The following PRKN variants were observed in gnomAD, a reference collection of about 807,000 sequenced individuals.
PRKN encodes parkin RBR E3 ubiquitin protein ligase.
PRKN carries 56 observed loss-of-function variants against 59.5 expected under a neutral mutation model. That is an observed-to-expected ratio of 0.94 (90% CI 0.76 to 1.18). The LOEUF is 1.18. Ranked by LOEUF, PRKN falls within the 50% of genes most tolerant of loss-of-function variation. The pLI, the probability that PRKN is intolerant of heterozygous loss-of-function variation, is 0.00. For synonymous variants in PRKN, 250 were observed against 222.1 expected (o/e 1.13, Z -1.12); for missense variants, 657 against 596.4 (o/e 1.10, Z -1.06).
chr6:161,788,866 A>G (rs3019433), intron 6 of PRKN, among the ~76,000 whole-genome samples: 124,381 of 152,152 alleles, frequency 0.82, 52,866 homozygotes, highest in East Asian at 0.95. Flanking sequence ...ATACATACAC[A>G]GTCAACTTGG....
chr6:161,392,495 T>G (rs1222989202), intron 9 of PRKN, among the ~76,000 whole-genome samples: 1 of 150,702 alleles, frequency 6.6e-6, no homozygotes, highest in Non-Finnish European at 1.5e-5. Flanking sequence ...TGCAAAATTA[T>G]AGTTCAAACC....
intron 1 of PRKN, among the ~76,000 whole-genome samples, chr6:162,567,170 A>C (rs62430881): frequency 0.31 from 46,671 of 152,046 alleles, 7,617 homozygotes; most frequent in East Asian, 0.49. Flanking sequence ...ATCATACTAC[A>C]TGGGGAAAAA....
chr6:162,478,000 G>GCAGGGTCCTAGAGCA (rs952817395), intron 1 of PRKN, among the ~76,000 whole-genome samples: 2 of 152,066 alleles, frequency 1.3e-5, no homozygotes, highest in Non-Finnish European at 2.9e-5. Context: ...GTCCTAAAGC[G>GCAGGGTCCTAGAGCA]CAGGGTCCTA....
rs563866692 is a variant in PRKN, at chr6:161,448,674, T to A, written c.1084-61797A>T. ...CTACACATTACGTGCAAGGCTTTTA[T>A]CTGCTTCCTCCTAATTTGTGGGGGC... is the stretch of plus-strand genomic sequence containing the variant. On this transcript the variant is annotated intron_variant, in intron 9 of 11. Coordinates refer to ENST00000366898, the MANE Select transcript of PRKN (RefSeq NM_004562.3). The surrounding 1 kb of genome is among the most constrained non-coding windows in gnomAD (Gnocchi z 5.1). Among the ~76,000 whole-genome samples, 1 of 152,364 alleles carries A rather than the reference T, an allele frequency of 6.6e-6. No homozygotes were observed. Among genetic ancestry groups the A allele is most frequent in the East Asian group, 1.9e-4 (1 of 5,184 alleles).
Position 161,803,822 on chromosome 6 carries a change from C to T in PRKN, c.735-17914G>A, listed in dbSNP as rs944055128. On this transcript the variant is annotated intron_variant, in intron 6 of 11. Coordinates refer to ENST00000366898, the MANE Select transcript of PRKN (RefSeq NM_004562.3). ...CCTAAGTTCCTGGCATGTGGCGGGTCTGCGACACAGATGCATTTCATAAAG... is the reference window on the plus strand; with the variant it reads ...CCTAAGTTCCTGGCATGTGGCGGGTTTGCGACACAGATGCATTTCATAAAG... 3.3e-5 allele frequency among the ~76,000 whole-genome samples: 5 copies of T among 152,180 alleles called. No individual in the cohort carries two copies. In the East Asian group the frequency reaches 9.6e-4, roughly 29 times the overall value.
chr6:162,398,059 G>T (rs1393871852), intron 2 of PRKN, among the ~76,000 whole-genome samples: 1 of 142,584 alleles, frequency 7.0e-6, no homozygotes, highest in Non-Finnish European at 1.5e-5. Flanking sequence ...AAAAAAGAAA[G>T]ATTTTCTCAA....
chr6:162,696,936 AAAGTT>A (rs1377442787), intron 1 of PRKN, among the ~76,000 whole-genome samples: 7 of 152,210 alleles, frequency 4.6e-5, no homozygotes, highest in South Asian at 4.1e-4. Context: ...CCAAAAAAGT[AAAGTT>A]ATTTTTAAGC....
chr6:162,568,193 C>T (rs1233761311), intron 1 of PRKN, among the ~76,000 whole-genome samples: 1 of 152,190 alleles, frequency 6.6e-6, no homozygotes, highest in Non-Finnish European at 1.5e-5. Flanking sequence ...CTCTCCAGGA[C>T]ACTGGTCTGT....
intron 4 of PRKN, among the ~76,000 whole-genome samples, chr6:162,121,634 A>C (rs565552479): frequency 3.1e-4 from 47 of 152,312 alleles, no homozygotes; most frequent in Middle Eastern, 3.4e-3. Flanking sequence ...GTCAATGTCT[A>C]TGACAAACAG....
chr6:162,078,882 TAATA>T (rs1562499936), intron 4 of PRKN, among the ~76,000 whole-genome samples: 5 of 46,986 alleles, frequency 1.1e-4, no homozygotes, highest in South Asian at 6.2e-4. Flanking sequence ...ACTTAATAAT[TAATA>T]AATACTTTAA....
intron 7 of PRKN, among the ~76,000 whole-genome samples, chr6:161,603,736 C>A (rs1782182394): frequency 6.6e-6 from 1 of 152,116 alleles, no homozygotes; most frequent in Admixed American, 6.6e-5. Context: ...TCTTCAGGAA[C>A]CCATGTGGGA....
chr6:162,402,881 T>C (rs1396946957), intron 2 of PRKN, among the ~76,000 whole-genome samples: 2 of 151,954 alleles, frequency 1.3e-5, no homozygotes, highest in Admixed American at 1.3e-4. Context: ...TTCACACTCC[T>C]AGGCTCAAGT....
intron 1 of PRKN, among the ~76,000 whole-genome samples, chr6:162,533,272 C>G (rs1052926532): frequency 6.6e-6 from 1 of 152,090 alleles, no homozygotes; most frequent in Non-Finnish European, 1.5e-5. Context: ...GCCTATAATC[C>G]CAGCACTTTG....
Position 161,845,473 on chromosome 6 carries a change from T to C in PRKN, c.735-59565A>G, listed in dbSNP as rs537404859. Among the ~76,000 whole-genome samples the C allele has an allele frequency of 1.4e-4, 21 of 152,250 alleles. No homozygotes were observed. In the South Asian group the frequency reaches 2.9e-3, roughly 21 times the overall value. On this transcript the variant is annotated intron_variant, in intron 6 of 11. Transcript: ENST00000366898. Reference sequence around the variant, plus strand: ...CATTTGACTGACTCCAAGAACAGTATTGGAGGCAGGAAAATGTCCTCACGT... The same window carrying C: ...CATTTGACTGACTCCAAGAACAGTACTGGAGGCAGGAAAATGTCCTCACGT...
chr6:161,899,022 G>A (rs1777775825), intron 6 of PRKN, among the ~76,000 whole-genome samples: 1 of 152,232 alleles, frequency 6.6e-6, no homozygotes, highest in Non-Finnish European at 1.5e-5. Flanking sequence ...TCTGCCCAAA[G>A]CATCGCTTAC....
chr6:162,082,525 T>C (rs1779097695), intron 4 of PRKN, among the ~76,000 whole-genome samples: 1 of 152,138 alleles, frequency 6.6e-6, no homozygotes, highest in Non-Finnish European at 1.5e-5. Context: ...CTAATCATTT[T>C]TGTCTACACT....
At chr6:162,267,527 T>C (rs1308963631) in intron 2 of PRKN, among the ~76,000 whole-genome samples, 1 of 152,236 alleles carries the variant, frequency 6.6e-6, no homozygotes, top group African/African-American at 2.4e-5. Flanking sequence ...ATGTCTTATT[T>C]ATCTTTGTTT....
rs143979037 is a variant in PRKN at position 162,138,214 on chromosome 6, C to T, written c.534+62917G>A. On this transcript the variant is annotated intron_variant, in intron 4 of 11. Transcript: ENST00000366898. ...GTACATGCATGGGGTTAACAATTCT[C>T]AAAGCTCACACGGAGGTGGGATATT... Among the ~76,000 whole-genome samples, 156 of 152,256 alleles carry T rather than the reference C, an allele frequency of 1.0e-3. 1 individual carries two copies. Among genetic ancestry groups the T allele is most frequent in the Middle Eastern group, 6.8e-3 (2 of 294 alleles).
At position 162,492,245 on chromosome 6, in the gene PRKN, G is replaced by A. The variant is rs575947091; in HGVS notation, c.8-48772C>T. 4.6e-5 allele frequency among the ~76,000 whole-genome samples: 7 copies of A among 152,314 alleles called. No homozygotes were observed. The East Asian group carries it at 1.2e-3, about 25-fold the overall frequency. ...CAGTGACAAATGTCACCTGAAAGAC[G>A]AAGGGGAAATAATTTGCATTGAAGG... On this transcript the variant is annotated intron_variant, in intron 1 of 11. Transcript: ENST00000366898.
Sources: gnomAD v4.1 joint callset for allele counts (sites outside exome capture counted in the v4.1 genomes callset) on GRCh38, gnomAD v4.1.1 for gene constraint, Gnocchi (gnomAD v3.1) non-coding constraint, MANE v1.5 for transcripts, NCBI Gene and HGNC (gene_info 2026-07-23, HGNC 2026-07-21) for gene names.